The following LIPA variants were observed in gnomAD, a reference collection of about 807,000 sequenced individuals.
The protein encoded by LIPA is lysosomal acid lipase/cholesteryl ester hydrolase.
A neutral mutation model predicts 40.6 loss-of-function variants in LIPA; 26 were observed. That is an observed-to-expected ratio of 0.64 (90% CI 0.47 to 0.89). The LOEUF (loss-of-function observed/expected upper bound fraction) is 0.89. Ranked by LOEUF, LIPA falls within the 40% of genes least tolerant of loss-of-function variation. LIPA has a pLI of 0.00. For missense variants in LIPA, 455 were observed against 479.6 expected, an observed-to-expected ratio of 0.95 and a Z score of 0.48; for synonymous variants, 188 against 168.4, an observed-to-expected ratio of 1.12 and a Z score of -0.90.
chr10:89,319,638 G>A (rs1003430267), intron 1 of LIPA, among the ~76,000 whole-genome samples: 18 of 152,148 alleles, frequency 1.2e-4, no homozygotes, highest in Admixed American at 6.5e-4. Flanking sequence ...GAGGTACAAA[G>A]ACGAGCTGGT....
intron 2 of LIPA, among the ~76,000 whole-genome samples, chr10:89,363,768 C>T (rs1214690866): frequency 1.2e-5 from 1 of 83,392 alleles, no homozygotes; most frequent in East Asian, 4.8e-4. Flanking sequence ...CAGAGCCAGA[C>T]TCCATCAAAA....
intron 1 of LIPA, chr10:89,338,967 C>T (rs1333894852): frequency 1.9e-6 from 3 of 1,614,152 alleles, no homozygotes; most frequent in Non-Finnish European, 1.7e-6. Flanking sequence ...CCTGGGTCTA[C>T]TATCACTTGG....
chr10:89,345,996 T>C (rs975227657), upstream of LIPA, among the ~76,000 whole-genome samples: 2 of 152,190 alleles, frequency 1.3e-5, no homozygotes, highest in African/African-American at 2.4e-5. Flanking sequence ...CATAGTAGTA[T>C]CTTTTAAGTG....
At chr10:89,223,251 T>TA (rs1472934323) in intron 7 of LIPA, among the ~76,000 whole-genome samples, 1 of 151,396 alleles carries the variant, frequency 6.6e-6, no homozygotes, top group East Asian at 1.9e-4. Flanking sequence ...TGCGGGCTTC[T>TA]ATTGATCCCA....
intron 1 of LIPA, among the ~76,000 whole-genome samples, chr10:89,317,472 T>C (rs1177989506): frequency 6.6e-6 from 1 of 152,062 alleles, no homozygotes; most frequent in African/African-American, 2.4e-5. Flanking sequence ...TATTAGTGAT[T>C]GAAGATCAAA....
At chr10:89,378,035 C>G (rs1486193507) in intron 2 of LIPA, 1 of 1,256,082 alleles carries the variant, frequency 8.0e-7, no homozygotes, top group Non-Finnish European at 1.2e-6. Context: ...ATATAAGCAC[C>G]ATGCTTATCT....
At chr10:89,326,046 A>G (rs1021039380) in intron 1 of LIPA, among the ~76,000 whole-genome samples, 2 of 152,310 alleles carry the variant, frequency 1.3e-5, no homozygotes, top group African/African-American at 4.8e-5. Flanking sequence ...TCAAAAGACT[A>G]AAAATAGAAC....
At chr10:89,361,252 T>C (rs980727452) in intron 2 of LIPA, among the ~76,000 whole-genome samples, 7 of 152,194 alleles carry the variant, frequency 4.6e-5, no homozygotes, top group African/African-American at 1.7e-4. Context: ...CAATTCTCTT[T>C]TGGCATGTTG....
chr10:89,360,075 T>A (rs932259313), intron 2 of LIPA, among the ~76,000 whole-genome samples: 6 of 152,182 alleles, frequency 3.9e-5, no homozygotes, highest in Admixed American at 3.3e-4. Flanking sequence ...TGGGGCAGAA[T>A]TGGGTTGTTA....
At chr10:89,236,513 C>T (rs1842906381) in intron 3 of LIPA, among the ~76,000 whole-genome samples, 2 of 152,186 alleles carry the variant, frequency 1.3e-5, no homozygotes, top group Non-Finnish European at 1.5e-5. Context: ...ATACAAAGAA[C>T]TAATAGTGAT....
At chr10:89,286,406 C>A (rs763203366) in intron 1 of LIPA, among the ~76,000 whole-genome samples, 2 of 152,086 alleles carry the variant, frequency 1.3e-5, no homozygotes, top group Non-Finnish European at 2.9e-5. Context: ...TATAATCCTT[C>A]TATCACCTCC....
At chr10:89,318,553 G>T (rs1348362247) in intron 1 of LIPA, among the ~76,000 whole-genome samples, 1 of 152,132 alleles carries the variant, frequency 6.6e-6, no homozygotes, top group East Asian at 1.9e-4. Flanking sequence ...GAGCACCCAG[G>T]TTCATAAAGC....
intron 1 of LIPA, among the ~76,000 whole-genome samples, chr10:89,264,344 G>A (rs531029944): frequency 1.3e-5 from 2 of 152,310 alleles, no homozygotes; most frequent in South Asian, 2.1e-4. Context: ...CCCAAAGTGG[G>A]TAGCTCCTTT....
chr10:89,343,542 G>C (rs527671476), upstream of LIPA, among the ~76,000 whole-genome samples: 2 of 152,322 alleles, frequency 1.3e-5, no homozygotes, highest in African/African-American at 2.4e-5. Flanking sequence ...AAAGACAAGA[G>C]GGCAGGAGAA....
intron 2 of LIPA, among the ~76,000 whole-genome samples, chr10:89,386,986 AGT>A (rs1258663423): frequency 2.2e-5 from 3 of 137,492 alleles, no homozygotes; most frequent in Non-Finnish European, 3.2e-5. Flanking sequence ...AGAGAGAGAG[AGT>A]GTGTGTGTGT....
In LIPA at chr10:89,309,963, G is replaced by C. The variant is rs138447995; in HGVS notation, c.-2+32648C>G. Among the ~76,000 whole-genome samples, 155 of 152,222 alleles carry C rather than the reference G, an allele frequency of 1.0e-3. 2 individuals are homozygous for C. In the South Asian group the frequency reaches 0.023, roughly 23 times the overall value. On this transcript the variant is annotated intron_variant, in intron 1 of 5. Transcript: ENST00000282673. ...ATGTCTCCTATGTGCTCATGAACCC[G>C]TTTATCAGAGTTATCGGACCACATC...
At chr10:89,399,808 A>G (rs1007220400) in intron 2 of LIPA, among the ~76,000 whole-genome samples, 1 of 152,170 alleles carries the variant, frequency 6.6e-6, no homozygotes, top group Middle Eastern at 3.2e-3. Flanking sequence ...GTTAAATAAA[A>G]TCGTAAGAGT....
chr10:89,242,957 T>G (rs1425044253), intron 3 of LIPA, among the ~76,000 whole-genome samples: 1 of 152,130 alleles, frequency 6.6e-6, no homozygotes. Flanking sequence ...AAGAAAAAGA[T>G]GAACTGAAGC....
intron 1 of LIPA, among the ~76,000 whole-genome samples, chr10:89,268,431 T>A (rs913813910): frequency 6.6e-6 from 1 of 152,370 alleles, no homozygotes; most frequent in African/African-American, 2.4e-5. Context: ...ATTTTTTTTA[T>A]AAATCCAATT....
Sources: allele counts gnomAD v4.1 joint callset (sites outside exome capture counted in the v4.1 genomes callset), GRCh38; gene constraint gnomAD v4.1.1; transcripts MANE v1.5; gene names NCBI Gene and HGNC (gene_info 2026-07-23, HGNC 2026-07-21).